The following ABTB2 variants were observed in gnomAD, a reference collection of about 807,000 sequenced individuals.
The protein encoded by ABTB2 is ankyrin repeat and BTB/POZ domain-containing protein 2.
A neutral mutation model predicts 104.1 loss-of-function variants in ABTB2; 56 were observed. The ratio of observed to expected loss-of-function variants is 0.54; its 90% CI spans 0.43 to 0.67. The LOEUF (loss-of-function observed/expected upper bound fraction) is 0.67. ABTB2 is among the 30% of genes least tolerant of loss of function. The probability of loss-of-function intolerance (pLI) is 0.00; values close to 1 mark genes in which losing one functional copy is unlikely to be tolerated. For missense variants in ABTB2, 1,279 were observed against 1,407.7 expected (o/e 0.91, Z 1.46); for synonymous variants, 606 against 608.2 (o/e 1.00, Z 0.05).
intron 1 of ABTB2, among the ~76,000 whole-genome samples, chr11:34,261,403 T>C (rs916569244): frequency 1.3e-5 from 2 of 152,206 alleles, no homozygotes; most frequent in Admixed American, 1.3e-4. Context: ...AGTCTGTTTT[T>C]TTCATACATT....
chr11:34,202,664 AC>A (rs773934802), intron 2 of ABTB2, among the ~76,000 whole-genome samples: 27 of 152,038 alleles, frequency 1.8e-4, no homozygotes, highest in Admixed American at 7.2e-4. Flanking sequence ...ACATGGTGAA[AC>A]CCCGTCTCTA....
At chr11:34,260,422 C>T (rs916945148) in intron 1 of ABTB2, among the ~76,000 whole-genome samples, 1 of 152,190 alleles carries the variant, frequency 6.6e-6, no homozygotes, top group Non-Finnish European at 1.5e-5. Flanking sequence ...CACAGAAGGT[C>T]CCAACCGCTG....
chr11:34,298,531 C>T (rs111399026), intron 1 of ABTB2, among the ~76,000 whole-genome samples: 12,686 of 151,624 alleles, frequency 0.084, 685 homozygotes, highest in South Asian at 0.13. Flanking sequence ...GGCATGATCT[C>T]GGCTCACTAC....
intron 1 of ABTB2, among the ~76,000 whole-genome samples, chr11:34,300,273 T>C (rs1854686895): frequency 6.6e-6 from 1 of 152,246 alleles, no homozygotes; most frequent in Non-Finnish European, 1.5e-5. Flanking sequence ...GGAGACGTAC[T>C]GAAGGCCTTT....
rs34067117 is a variant in ABTB2, at chr11:34,214,556, T to TAA, written c.884-9868_884-9867dup. 4.4e-3 allele frequency among the ~76,000 whole-genome samples: 452 copies of TAA among 103,160 alleles called. 6 individuals are homozygous for TAA. Among genetic ancestry groups the TAA allele is most frequent in the African/African-American group, 0.014 (436 of 31,690 alleles). 67.7% of individuals were successfully genotyped at this position (103,160 alleles called of 152,430 possible). A position where few individuals can be genotyped will look rare whatever the true frequency, so the allele number is the denominator to read the frequency against. On this transcript the variant is annotated intron_variant, in intron 1 of 16. Transcript: ENST00000435224. ...ACTTTTTTTTTTTTTTTTTTTTTTTTAAAGTCAGGTTCTTGCTCTGTCTCT... is the reference window on the plus strand; with the variant it reads ...ACTTTTTTTTTTTTTTTTTTTTTTTTAAAAAGTCAGGTTCTTGCTCTGTCTCT...
chr11:34,206,860 CT>C (rs1405435510), intron 1 of ABTB2, among the ~76,000 whole-genome samples: 1 of 152,348 alleles, frequency 6.6e-6, no homozygotes, highest in African/African-American at 2.4e-5. Flanking sequence ...TGAAGGCCCC[CT>C]CTCCATCTCC....
chr11:34,303,586 G>A (rs181377817), intron 1 of ABTB2, among the ~76,000 whole-genome samples: 179 of 139,420 alleles, frequency 1.3e-3, no homozygotes, highest in African/African-American at 4.5e-3. Context: ...AAAAAAAATA[G>A]TAATAAATGC....
Position 34,219,474 on chromosome 11 carries a change from T to A in ABTB2, c.884-14784A>T, listed in dbSNP as rs550558263. Among the ~76,000 whole-genome samples, 35 of 152,044 alleles carry A rather than the reference T, an allele frequency of 2.3e-4. No homozygotes were observed. In the East Asian group the frequency reaches 4.3e-3, roughly 18 times the overall value. On this transcript the variant is annotated intron_variant, in intron 1 of 16. Coordinates refer to ENST00000435224, the MANE Select transcript of ABTB2 (RefSeq NM_145804.3). ...GGGAGGATTGCTTGGGCCCAGAAGGTTGAGGCTACAGTGAGCCACAATCAT... is the reference window on the plus strand; with the variant it reads ...GGGAGGATTGCTTGGGCCCAGAAGGATGAGGCTACAGTGAGCCACAATCAT...
chr11:34,244,512 CACTT>C (rs1853960706), intron 1 of ABTB2, among the ~76,000 whole-genome samples: 2 of 152,286 alleles, frequency 1.3e-5, no homozygotes, highest in Admixed American at 6.5e-5. Context: ...ACTGAACGAG[CACTT>C]ACTTGCTGCC....
At chr11:34,157,310 C>G (rs945773677) in intron 14 of ABTB2, among the ~76,000 whole-genome samples, 3 of 152,228 alleles carry the variant, frequency 2.0e-5, no homozygotes, top group African/African-American at 7.2e-5. Flanking sequence ...GCAAGAGGCC[C>G]AGGGGAAGGC....
chr11:34,269,253 T>C (rs1854285493), intron 1 of ABTB2, among the ~76,000 whole-genome samples: 1 of 152,162 alleles, frequency 6.6e-6, no homozygotes, highest in African/African-American at 2.4e-5. Flanking sequence ...AAGCTGGAGC[T>C]CAGAGGATGG....
intron 7 of ABTB2, among the ~76,000 whole-genome samples, chr11:34,166,139 C>A (rs1402787977): frequency 1.3e-5 from 2 of 152,256 alleles, no homozygotes; most frequent in Admixed American, 6.5e-5. Context: ...GAGGGAGCAA[C>A]CTTCCAGCCC....
chr11:34,196,552 T>TA (rs1360851353), intron 3 of ABTB2, among the ~76,000 whole-genome samples: 3 of 148,672 alleles, frequency 2.0e-5, no homozygotes, highest in African/African-American at 2.5e-5. Context: ...AGACTCCGTC[T>TA]AAAAAAAAAA....
intron 1 of ABTB2, among the ~76,000 whole-genome samples, chr11:34,222,491 G>A (rs201149619): frequency 1.3e-5 from 2 of 152,274 alleles, no homozygotes; most frequent in South Asian, 4.1e-4. Context: ...CTAAGCATCC[G>A]AGTGGGAGGT....
At chr11:34,353,108 G>C (rs1855419230) in intron 1 of ABTB2, among the ~76,000 whole-genome samples, 1 of 152,128 alleles carries the variant, frequency 6.6e-6, no homozygotes. Context: ...GCAAAGGTAG[G>C]CTTCAAACTC....
intron 1 of ABTB2, among the ~76,000 whole-genome samples, chr11:34,318,817 C>T (rs1854969348): frequency 6.6e-6 from 1 of 152,180 alleles, no homozygotes; most frequent in African/African-American, 2.4e-5. Flanking sequence ...CTCAGGTCAT[C>T]CTTGGGCAGC....
intron 1 of ABTB2, among the ~76,000 whole-genome samples, chr11:34,225,855 A>G (rs1853679282): frequency 6.6e-6 from 1 of 152,074 alleles, no homozygotes; most frequent in South Asian, 2.1e-4. Flanking sequence ...CCTGTGTTAC[A>G]TGAGTGCTTT....
chr11:34,308,364 CA>C (rs1362669794), intron 1 of ABTB2, among the ~76,000 whole-genome samples: 1 of 152,174 alleles, frequency 6.6e-6, no homozygotes, highest in African/African-American at 2.4e-5. Context: ...CAAGAAATGA[CA>C]GCTAACAGCA....
intron 1 of ABTB2, among the ~76,000 whole-genome samples, chr11:34,322,834 C>T (rs1855022297): frequency 6.6e-6 from 1 of 152,074 alleles, no homozygotes; most frequent in Non-Finnish European, 1.5e-5. Flanking sequence ...GCGTACCACC[C>T]ACCCAGCTAA....
Sources: gnomAD v4.1 joint callset for allele counts (sites outside exome capture counted in the v4.1 genomes callset) on GRCh38, gnomAD v4.1.1 for gene constraint, MANE v1.5 for transcripts, NCBI Gene and HGNC (gene_info 2026-07-23, HGNC 2026-07-21) for gene names.